AFM: variants seen among roughly 807,000 people sequenced by gnomAD.
AFM encodes the protein alpha-Alb.
AFM carries 82 observed loss-of-function variants against 68.7 expected under a neutral mutation model. That is an observed-to-expected ratio of 1.19 (90% CI 1.00 to 1.43). The LOEUF (loss-of-function observed/expected upper bound fraction) is 1.43, where lower values mean the gene tolerates loss of function less well. Ranked by LOEUF, AFM falls within the 40% of genes most tolerant of loss-of-function variation. The pLI is 0.00. For synonymous variants in AFM, 250 were observed against 234.2 expected, an observed-to-expected ratio of 1.07 and a Z score of -0.61; for missense variants, 772 against 701.8, an observed-to-expected ratio of 1.10 and a Z score of -1.13.
intron 11 of AFM, 29 bp downstream of exon 11, chr4:73,499,275 CTTTTT>C: frequency 2.5e-6 from 3 of 1,222,048 alleles, no homozygotes; most frequent in Non-Finnish European, 2.1e-6. Flanking sequence ...CCAGACTACT[CTTTTT>C]TTTTTTTTTT....
rs1577982494 is a variant in AFM at position 73,501,880 on chromosome 4, C to A, written c.1740C>A (p.Cys580Ter). Residue 580 changes from cysteine to a stop codon, truncating the protein, a stop_gained, in exon 13 of 15, where the codon TGC (cysteine) becomes TGA (stop). Transcript: ENST00000226355. LOFTEE classifies it high-confidence loss of function. ...FTNFANVVDKCCKAESPEVCF... is the reference protein window; with the variant it reads ...FTNFANVVDK ...ATTTCGCAAATGTAGTGGATAAGTG[C>A]TGCAAAGCAGAGAGTCCTGAAGTCT... The A allele has an allele frequency of 1.2e-6, 2 of 1,613,518 alleles. No individual in the cohort carries two copies. Among genetic ancestry groups the A allele is most frequent in the East Asian group, 4.5e-5 (2 of 44,862 alleles).
At chr4:73,484,957 A>G (rs1177863689) in intron 3 of AFM, among the ~76,000 whole-genome samples, 1 of 152,194 alleles carries the variant, frequency 6.6e-6, no homozygotes, top group East Asian at 1.9e-4. Flanking sequence ...TAATTTTGGT[A>G]TTTAGAACAA....
chr4:73,484,323 A>C lies in AFM; in HGVS notation c.203A>C (p.Lys68Thr), dbSNP rs766724290. 5 of 1,613,398 alleles carry C rather than the reference A, an allele frequency of 3.1e-6. No individual in the cohort carries two copies. In the South Asian group the frequency reaches 5.5e-5, roughly 18 times the overall value. Residue 68 changes from lysine (K) to threonine (T), a missense_variant, in exon 3 of 15, where the codon AAA becomes ACA. Coordinates refer to ENST00000226355, the MANE Select transcript of AFM (RefSeq NM_001133.2). Reference sequence around the variant, plus strand: ...TTTGAAGAAATGGAAAAGCTGGTGAAAGACATGGTAGAATACAAAGACAGA... The same window carrying C: ...TTTGAAGAAATGGAAAAGCTGGTGACAGACATGGTAGAATACAAAGACAGA... ...ATFEEMEKLVKDMVEYKDRCM... is the reference protein window; with the variant it reads ...ATFEEMEKLVTDMVEYKDRCM...
chr4:73,495,825 G>T (rs994289471), intron 9 of AFM, among the ~76,000 whole-genome samples: 8 of 152,160 alleles, frequency 5.3e-5, no homozygotes, highest in Non-Finnish European at 1.5e-5. Flanking sequence ...CAAAAGTAAT[G>T]ATTGATTGTT....
intron 7 of AFM, among the ~76,000 whole-genome samples, chr4:73,489,831 G>C (rs1448438414): frequency 6.6e-6 from 1 of 152,164 alleles, no homozygotes; most frequent in Non-Finnish European, 1.5e-5. Context: ...GGTTGAGATT[G>C]GGTGCTGAAA....
chr4:73,483,416 CA>C (rs1210875426), intron 1 of AFM, among the ~76,000 whole-genome samples: 2 of 152,198 alleles, frequency 1.3e-5, no homozygotes, highest in African/African-American at 2.4e-5. Flanking sequence ...CTTATGTGAA[CA>C]AACATAAATA....
intron 7 of AFM, among the ~76,000 whole-genome samples, chr4:73,488,994 C>T (rs1720993777): frequency 6.6e-6 from 1 of 152,020 alleles, no homozygotes; most frequent in Non-Finnish European, 1.5e-5. Context: ...GGCTAAATGT[C>T]TTGATGTAAA....
At chr4:73,495,933 T>C (rs1450958116) in intron 9 of AFM, among the ~76,000 whole-genome samples, 2 of 152,208 alleles carry the variant, frequency 1.3e-5, no homozygotes, top group Non-Finnish European at 2.9e-5. Flanking sequence ...AACTCTTCAG[T>C]ACATATACGT....
chr4:73,500,073 T>G lies in AFM; in HGVS notation c.1492T>G (p.Cys498Gly). The G allele has an allele frequency of 6.2e-7, 1 of 1,614,098 alleles. No homozygotes were observed. The highest frequency in any genetic ancestry group is 8.5e-7 in the Non-Finnish European group (1 of 1,179,968). Reference protein sequence around the residue: ...NRTINPAVDHCCKTNFAFRRP... With the variant: ...NRTINPAVDHGCKTNFAFRRP... Reference sequence around the variant, plus strand: ...AACTATCAACCCTGCTGTGGACCACTGCTGTAAAACAAACTTTGCCTTCAG... The same window carrying G: ...AACTATCAACCCTGCTGTGGACCACGGCTGTAAAACAAACTTTGCCTTCAG... Residue 498 changes from cysteine to glycine, a missense_variant, in exon 12 of 15, where the codon TGC becomes GGC. Physicochemically the swap from Cys to Gly is radical, Grantham distance 159. Coordinates refer to ENST00000226355, the MANE Select transcript of AFM (RefSeq NM_001133.2).
Position 73,501,783 on chromosome 4 carries a change from A to G in AFM, c.1647-4A>G, listed in dbSNP as rs1339952835. The G allele has an allele frequency of 4.3e-6, 7 of 1,610,462 alleles. No individual in the cohort carries two copies. The Admixed American group carries it at 1.2e-4, about 27-fold the overall frequency. ...TAATTTTATTTGACATCTTTTGGCC[A>G]CAGGTTTCTTGTCAACTTAGTGAAG... is the stretch of plus-strand genomic sequence containing the variant. On this transcript the variant is annotated splice_region_variant and splice_polypyrimidine_tract_variant and intron_variant, in intron 12 of 14. Transcript: ENST00000226355.
At chr4:73,482,483 G>A (rs1427913332) in intron 1 of AFM, among the ~76,000 whole-genome samples, 1 of 152,154 alleles carries the variant, frequency 6.6e-6, no homozygotes, top group Non-Finnish European at 1.5e-5. Flanking sequence ...TGTGCCCTAA[G>A]CATGGCAGTG....
chr4:73,496,736 G>C (rs1721268947), intron 9 of AFM, among the ~76,000 whole-genome samples: 1 of 152,098 alleles, frequency 6.6e-6, no homozygotes, highest in Non-Finnish European at 1.5e-5. Context: ...TGAAAAATCT[G>C]TTCATGTGTA....
chr4:73,502,490 T>C (rs888340078), intron 13 of AFM, among the ~76,000 whole-genome samples: 5 of 152,080 alleles, frequency 3.3e-5, no homozygotes, highest in African/African-American at 1.2e-4. Context: ...CCAGTGAAGG[T>C]AGTCTGTAGC....
At chr4:73,484,862 A>G (rs893273803) in intron 3 of AFM, among the ~76,000 whole-genome samples, 10 of 152,312 alleles carry the variant, frequency 6.6e-5, no homozygotes, top group Admixed American at 4.6e-4. Context: ...TTAAACACAC[A>G]AGATTTTTTG....
rs1489391066 is a variant in AFM at position 73,491,984 on chromosome 4, AAG to A, written c.958_959del (p.Asp320Ter). On this transcript the variant is annotated frameshift_variant, in exon 8 of 15. Transcript: ENST00000226355. LOFTEE classifies it high-confidence loss of function. The stretch of plus-strand genomic sequence containing the variant: ...GGCCAGTGCATAATTAACTCAAACA[AAG>A]ATGATAGACCAAAGGATTTATCTCT... 1 of 1,613,840 alleles carries A rather than the reference AAG, an allele frequency of 6.2e-7. No homozygotes were observed. Among genetic ancestry groups the A allele is most frequent in the East Asian group, 2.2e-5 (1 of 44,876 alleles).
Position 73,488,723 on chromosome 4 carries a change from CTGTGAAGGGGATGT to C in AFM, c.812_825del (p.Glu271AlafsTer5). On this transcript the variant is annotated frameshift_variant, in exon 7 of 15. Transcript: ENST00000226355. LOFTEE classifies it high-confidence loss of function. ...ATGTTTCTTCCAACTATGATGGATG[CTGTGAAGGGGATGT>C]TGTGCAGTGCATCCGTGACACGGTG... 6.2e-7 allele frequency: 1 copy of C among 1,613,000 alleles called. No homozygotes were observed. The highest frequency in any genetic ancestry group is 8.5e-7 in the Non-Finnish European group (1 of 1,179,382).
chr4:73,488,558 A>C, intron 6 of AFM, 72 bp from the exon 7 acceptor site: 1 of 1,376,930 alleles, frequency 7.3e-7, no homozygotes, highest in Admixed American at 2.2e-5. Flanking sequence ...TTCATATCAT[A>C]TTAGCAAATT....
At chr4:73,488,809 A>G (rs748183533) in intron 7 of AFM, 50 bp downstream of exon 7, 13 of 1,563,532 alleles carry the variant, frequency 8.3e-6, no homozygotes, top group Non-Finnish European at 9.5e-6. Context: ...GGCAATTATC[A>G]TTTTTTTATT....
intron 1 of AFM, among the ~76,000 whole-genome samples, chr4:73,483,493 A>C (rs551821481): frequency 6.6e-6 from 1 of 152,364 alleles, no homozygotes; most frequent in South Asian, 2.1e-4. Context: ...GAGATGACCT[A>C]AATAGCTGTG....
Sources: gnomAD v4.1 joint callset for allele counts (sites outside exome capture counted in the v4.1 genomes callset) on GRCh38, gnomAD v4.1.1 for gene constraint, MANE v1.5 for transcripts, NCBI Gene and HGNC (gene_info 2026-07-23, HGNC 2026-07-21) for gene names.